ATP9B: variants seen among roughly 807,000 people sequenced by gnomAD.
The protein encoded by ATP9B is ATPase phospholipid transporting 9B, also known as probable phospholipid-transporting ATPase IIB.
In ATP9B, 110 loss-of-function variants were observed where a neutral mutation model predicts 146.1. The observed-to-expected ratio is 0.75, with a 90% CI of 0.65 to 0.88. ATP9B has a LOEUF of 0.88. Among genes scored for constraint, ATP9B ranks in the 40% least tolerant of loss-of-function variants. The pLI is 0.00. For missense variants in ATP9B, 1,499 were observed against 1,496.4 expected (o/e 1.00, Z -0.03); for synonymous variants, 604 against 569.7 (o/e 1.06, Z -0.86).
intron 1 of ATP9B, among the ~76,000 whole-genome samples, chr18:79,089,673 CAT>C (rs2074153130): frequency 6.6e-6 from 1 of 152,172 alleles, no homozygotes; most frequent in Non-Finnish European, 1.5e-5. Flanking sequence ...TTATGCGATA[CAT>C]ATGATGTTTT....
rs113558085 is a variant in ATP9B, at chr18:79,327,539, G to A, written c.1774-1602G>A. On this transcript the variant is annotated intron_variant, in intron 15 of 29. Coordinates refer to ENST00000426216, the MANE Select transcript of ATP9B (RefSeq NM_198531.5). ...GGTTAGCGTGCTCTCCGTGGTTAGC[G>A]TGCTCTCCGTGGTTAGCGTGCTCTC... is the stretch of plus-strand genomic sequence containing the variant. Among the ~76,000 whole-genome samples, 1,175 of 143,660 alleles carry A rather than the reference G, an allele frequency of 8.2e-3. 12 individuals are homozygous for A. The highest frequency in any genetic ancestry group is 0.012 in the Non-Finnish European group (762 of 66,204). The allele number at this position is 143,660 out of a possible 152,430, so 94.2% of individuals were successfully genotyped here.
At chr18:79,268,247 G>A (rs948953578) in intron 12 of ATP9B, among the ~76,000 whole-genome samples, 1 of 151,870 alleles carries the variant, frequency 6.6e-6, no homozygotes, top group Admixed American at 6.6e-5. Flanking sequence ...TGTGTCTCTT[G>A]TAATTAGCGT....
At chr18:79,100,518 A>G (rs1599543768) in intron 2 of ATP9B, among the ~76,000 whole-genome samples, 1 of 152,286 alleles carries the variant, frequency 6.6e-6, no homozygotes, top group East Asian at 1.9e-4. Context: ...GACTTGTCTA[A>G]TTTCAATAAA....
At chr18:79,326,410 C>T (rs911006674) in intron 15 of ATP9B, among the ~76,000 whole-genome samples, 2 of 142,300 alleles carry the variant, frequency 1.4e-5, no homozygotes, top group Admixed American at 1.4e-4. Flanking sequence ...GGTGTCATCT[C>T]TGTACCCTCC....
intron 26 of ATP9B, among the ~76,000 whole-genome samples, chr18:79,366,301 G>A (rs2097028569): frequency 6.6e-6 from 1 of 152,230 alleles, no homozygotes; most frequent in African/African-American, 2.4e-5. Context: ...CACCAGCATG[G>A]AGCTAAGGGA....
At chr18:79,283,164 C>T (rs2096397164) in intron 13 of ATP9B, among the ~76,000 whole-genome samples, 1 of 152,158 alleles carries the variant, frequency 6.6e-6, no homozygotes, top group Admixed American at 6.5e-5. Flanking sequence ...TTTGCTCTGC[C>T]CTTCAGTGTG....
chr18:79,368,331 C>T (rs147853142), intron 26 of ATP9B, among the ~76,000 whole-genome samples: 24 of 152,340 alleles, frequency 1.6e-4, no homozygotes, highest in South Asian at 1.2e-3. Context: ...GTCGAGGCTG[C>T]GGTGAGCTGT....
intron 8 of ATP9B, among the ~76,000 whole-genome samples, chr18:79,181,305 A>ATT (rs2095249835): frequency 3.3e-5 from 5 of 152,156 alleles, no homozygotes; most frequent in South Asian, 2.1e-4. Flanking sequence ...GCTTTCAGGA[A>ATT]TTTAAGTGTG....
chr18:79,314,825 T>C (rs998064599), intron 15 of ATP9B, among the ~76,000 whole-genome samples: 2 of 152,200 alleles, frequency 1.3e-5, no homozygotes, highest in Non-Finnish European at 2.9e-5. Context: ...TCCAGTGCAG[T>C]CGCAGGACAC....
At position 79,347,895 on chromosome 18, in the gene ATP9B, G is replaced by A; in HGVS notation, c.2808G>A (p.Met936Ile). The A allele has an allele frequency of 3.7e-6, 6 of 1,613,648 alleles. No homozygotes were observed. The highest frequency in any genetic ancestry group is 5.1e-6 in the Non-Finnish European group (6 of 1,179,898). The part of the protein sequence containing the change: ...KRSAALGQFV[M>I]HRGLIISTMQ... ...CGGCGGCACTCGGCCAGTTCGTCAT[G>A]CACAGGGGCCTTATCATCTCCACCA... Residue 936 changes from methionine to isoleucine, a missense_variant, in exon 24 of 30, where the codon ATG becomes ATA. Physicochemically the swap from Met to Ile is conservative, Grantham distance 10. Coordinates refer to ENST00000426216, the MANE Select transcript of ATP9B (RefSeq NM_198531.5).
At chr18:79,203,784 C>G (rs2095510189) in intron 9 of ATP9B, among the ~76,000 whole-genome samples, 1 of 152,192 alleles carries the variant, frequency 6.6e-6, no homozygotes, top group African/African-American at 2.4e-5. Context: ...CCTCTAGACC[C>G]CCAGCAGGTA....
chr18:79,237,619 T>C (rs1178620874), intron 11 of ATP9B, among the ~76,000 whole-genome samples: 1 of 152,090 alleles, frequency 6.6e-6, no homozygotes, highest in Non-Finnish European at 1.5e-5. Context: ...TAATGTCTTA[T>C]GATTGTTCTC....
At chr18:79,198,605 C>T (rs561895162) in intron 9 of ATP9B, among the ~76,000 whole-genome samples, 1 of 152,272 alleles carries the variant, frequency 6.6e-6, no homozygotes, top group African/African-American at 2.4e-5. Context: ...TATGGTGTAG[C>T]CTGTTGCTCC....
intron 17 of ATP9B, chr18:79,332,779 T>G (rs1171391516): frequency 2.6e-5 from 4 of 152,230 alleles, no homozygotes; most frequent in African/African-American, 9.7e-5. Context: ...CCTTTGTAAT[T>G]CACAGTAATT....
At position 79,323,460 on chromosome 18, in the gene ATP9B, G is replaced by A. The variant is rs919140224; in HGVS notation, c.1774-5681G>A. 5.9e-5 allele frequency among the ~76,000 whole-genome samples: 9 copies of A among 152,052 alleles called. No individual in the cohort carries two copies. In the East Asian group the frequency reaches 1.3e-3, roughly 23 times the overall value. On this transcript the variant is annotated intron_variant, in intron 15 of 29. Coordinates refer to ENST00000426216, the MANE Select transcript of ATP9B (RefSeq NM_198531.5). ...TATCCCCAATATCCTCAATGTCCCCGATATCCTTCCCGGACTCTGGTAACC... is the reference window on the plus strand; with the variant it reads ...TATCCCCAATATCCTCAATGTCCCCAATATCCTTCCCGGACTCTGGTAACC...
chr18:79,334,737 C>G (rs559402313), intron 17 of ATP9B, among the ~76,000 whole-genome samples: 1 of 152,094 alleles, frequency 6.6e-6, no homozygotes, highest in African/African-American at 2.4e-5. Flanking sequence ...GCCTGGCCCC[C>G]AGGAGACCCA....
At chr18:79,114,101 G>C (rs1276991531) in intron 4 of ATP9B, among the ~76,000 whole-genome samples, 1 of 152,152 alleles carries the variant, frequency 6.6e-6, no homozygotes, top group African/African-American at 2.4e-5. Flanking sequence ...CTCCTGAGTA[G>C]CTAGGATTAC....
At chr18:79,097,485 T>C (rs2074892742) in intron 2 of ATP9B, among the ~76,000 whole-genome samples, 1 of 151,026 alleles carries the variant, frequency 6.6e-6, no homozygotes, top group South Asian at 2.1e-4. Context: ...TTTTTTTAAT[T>C]TTTTATTTTT....
chr18:79,376,676 C>T (rs955839890), intron 29 of ATP9B, among the ~76,000 whole-genome samples: 3 of 151,220 alleles, frequency 2.0e-5, no homozygotes, highest in African/African-American at 7.3e-5. Context: ...AGGCGTGAGC[C>T]ACCATGGCCG....
Sources: allele counts gnomAD v4.1 joint callset (sites outside exome capture counted in the v4.1 genomes callset), GRCh38; gene constraint gnomAD v4.1.1; transcripts MANE v1.5; gene names NCBI Gene and HGNC (gene_info 2026-07-23, HGNC 2026-07-21).